The following EXOC4 variants were observed in gnomAD, a reference collection of about 807,000 sequenced individuals.
The protein encoded by EXOC4 is exocyst complex component 4.
EXOC4 carries 71 observed loss-of-function variants against 107.2 expected under a neutral mutation model. That is an observed-to-expected ratio of 0.66 (90% CI 0.55 to 0.81). The LOEUF is 0.81. EXOC4 is among the 30% of genes least tolerant of loss of function. EXOC4 has a pLI of 0.00. For missense variants in EXOC4, 1,108 were observed against 1,189.6 expected (o/e 0.93, Z 1.01); for synonymous variants, 456 against 441.2 (o/e 1.03, Z -0.42).
At chr7:133,300,862 A>C (rs1439134249) in intron 3 of EXOC4, among the ~76,000 whole-genome samples, 1 of 150,868 alleles carries the variant, frequency 6.6e-6, no homozygotes, top group African/African-American at 2.5e-5. Flanking sequence ...CTTATGGTTC[A>C]AGTTAATAAT....
chr7:133,585,502 C>T (rs900856147), intron 9 of EXOC4, among the ~76,000 whole-genome samples: 2 of 152,010 alleles, frequency 1.3e-5, no homozygotes, highest in Non-Finnish European at 2.9e-5. Flanking sequence ...TGGCGCACAC[C>T]TGTGGTCCCA....
At chr7:133,629,005 T>TAAAG in intron 9 of EXOC4, among the ~76,000 whole-genome samples, 2 of 152,204 alleles carry the variant, frequency 1.3e-5, no homozygotes, top group Admixed American at 6.5e-5. Context: ...GAAAACTCTT[T>TAAAG]AGTCAGAGTG....
chr7:134,029,470 G>T (rs558229254), intron 17 of EXOC4, among the ~76,000 whole-genome samples: 11 of 151,926 alleles, frequency 7.2e-5, no homozygotes, highest in African/African-American at 2.6e-4. Flanking sequence ...AGGATATAGG[G>T]TTTCTTTTTG....
At chr7:134,061,526 G>A (rs893691969) in intron 17 of EXOC4, among the ~76,000 whole-genome samples, 1 of 152,068 alleles carries the variant, frequency 6.6e-6, no homozygotes, top group African/African-American at 2.4e-5. Context: ...TAATTCTTAG[G>A]TACCCTAAAG....
In EXOC4 at chr7:133,280,752, C is replaced by T. The variant is rs528618806; in HGVS notation, c.276+5581C>T. Among the ~76,000 whole-genome samples the T allele has an allele frequency of 1.1e-3, 163 of 151,934 alleles. 1 individual carries two copies. Among genetic ancestry groups the T allele is most frequent in the South Asian group, 2.3e-3 (11 of 4,796 alleles). On this transcript the variant is annotated intron_variant, in intron 2 of 17. Coordinates refer to ENST00000253861, the MANE Select transcript of EXOC4 (RefSeq NM_021807.4). ...CTAAAATAATTCTGGCTTTTAAATGCGATTATACCTTGAAAGGTAGAATTA... is the reference window on the plus strand; with the variant it reads ...CTAAAATAATTCTGGCTTTTAAATGTGATTATACCTTGAAAGGTAGAATTA...
At chr7:133,715,983 G>T (rs1794990526) in intron 10 of EXOC4, among the ~76,000 whole-genome samples, 1 of 152,196 alleles carries the variant, frequency 6.6e-6, no homozygotes. Flanking sequence ...AGGTGATGCA[G>T]AATCATTAAA....
chr7:133,795,760 G>A (rs1796800496), intron 10 of EXOC4, among the ~76,000 whole-genome samples: 1 of 152,190 alleles, frequency 6.6e-6, no homozygotes. Flanking sequence ...GGAGGGCAGA[G>A]GAGTAGAAAA....
chr7:133,745,098 C>A (rs1281238537), intron 10 of EXOC4, among the ~76,000 whole-genome samples: 1 of 152,104 alleles, frequency 6.6e-6, no homozygotes, highest in African/African-American at 2.4e-5. Flanking sequence ...TTTATTTAAT[C>A]ATTCCCAGGA....
chr7:133,515,332 T>TACACAC (rs143017406), intron 9 of EXOC4, among the ~76,000 whole-genome samples: 25,033 of 149,976 alleles, frequency 0.17, 2,265 homozygotes, highest in African/African-American at 0.23. Context: ...CAAGTGTGCA[T>TACACAC]ACACACACAC....
chr7:133,871,037 A>C (rs1221215595), intron 11 of EXOC4, among the ~76,000 whole-genome samples: 1 of 152,238 alleles, frequency 6.6e-6, no homozygotes, highest in Non-Finnish European at 1.5e-5. Flanking sequence ...TGGTTGTTAA[A>C]TACAGCCATT....
intron 10 of EXOC4, among the ~76,000 whole-genome samples, chr7:133,671,811 A>G (rs368648642): frequency 2.6e-5 from 4 of 152,328 alleles, no homozygotes; most frequent in African/African-American, 9.6e-5. Context: ...CTTAAGTAAC[A>G]GCACAATGGA....
At chr7:133,687,826 T>C (rs1794338993) in intron 10 of EXOC4, among the ~76,000 whole-genome samples, 1 of 152,168 alleles carries the variant, frequency 6.6e-6, no homozygotes, top group Non-Finnish European at 1.5e-5. Flanking sequence ...AATTGGTCAT[T>C]ATTTTAGCTT....
At chr7:134,011,951 A>T (rs1159779287) in intron 17 of EXOC4, among the ~76,000 whole-genome samples, 4 of 152,124 alleles carry the variant, frequency 2.6e-5, no homozygotes, top group Non-Finnish European at 5.9e-5. Flanking sequence ...CTATCTAGGG[A>T]AAGAGCGTAC....
intron 9 of EXOC4, among the ~76,000 whole-genome samples, chr7:133,522,865 A>G (rs1199942607): frequency 6.6e-6 from 1 of 152,166 alleles, no homozygotes; most frequent in Non-Finnish European, 1.5e-5. Context: ...TACATTCCCA[A>G]GAATCTCTGA....
chr7:133,329,348 T>C (rs148431319), intron 5 of EXOC4, among the ~76,000 whole-genome samples: 1 of 152,294 alleles, frequency 6.6e-6, no homozygotes, highest in South Asian at 2.1e-4. Context: ...TTTAGCTTCC[T>C]TGTGATGGGT....
chr7:133,749,878 T>C (rs1424592838), intron 10 of EXOC4, among the ~76,000 whole-genome samples: 6 of 151,884 alleles, frequency 4.0e-5, no homozygotes, highest in African/African-American at 1.5e-4. Context: ...TACCTTGAGG[T>C]TCAGTAGAAG....
intron 17 of EXOC4, among the ~76,000 whole-genome samples, chr7:134,035,224 T>C (rs1403199395): frequency 6.6e-6 from 1 of 151,866 alleles, no homozygotes; most frequent in Non-Finnish European, 1.5e-5. Flanking sequence ...TTTGTATTTT[T>C]AGTAGAGACA....
chr7:133,442,191 A>T (rs963738930), intron 7 of EXOC4, among the ~76,000 whole-genome samples: 1 of 152,174 alleles, frequency 6.6e-6, no homozygotes, highest in Non-Finnish European at 1.5e-5. Context: ...TGTTTTAGAA[A>T]GGATATACTG....
chr7:133,350,632 A>G (rs760511410), intron 5 of EXOC4, among the ~76,000 whole-genome samples: 1 of 151,908 alleles, frequency 6.6e-6, no homozygotes, highest in African/African-American at 2.4e-5. Flanking sequence ...AGTCTTCTAG[A>G]TTTGTTCTTC....
Sources: allele counts gnomAD v4.1 joint callset (sites outside exome capture counted in the v4.1 genomes callset), GRCh38; gene constraint gnomAD v4.1.1; transcripts MANE v1.5; gene names NCBI Gene and HGNC (gene_info 2026-07-23, HGNC 2026-07-21).